TDRD6: variants seen among roughly 807,000 people sequenced by gnomAD.
The protein encoded by TDRD6 is tudor domain containing 6.
In TDRD6, 186 loss-of-function variants were observed where a neutral mutation model predicts 157.5. The observed-to-expected ratio is 1.18, with a 90% CI of 1.05 to 1.33. The LOEUF is 1.33. Among genes scored for constraint, TDRD6 ranks in the 40% most tolerant of loss-of-function variants. The probability of loss-of-function intolerance (pLI) is 0.00; values close to 1 mark genes in which losing one functional copy is unlikely to be tolerated. For missense variants in TDRD6, 3,066 were observed against 2,508.0 expected (o/e 1.22, Z -4.75); for synonymous variants, 1,075 against 945.2 (o/e 1.14, Z -2.52).
rs144651628 is a variant in TDRD6 at position 46,688,953 on chromosome 6, G to A, written c.825G>A (p.Glu275=). ...GCCAGCTCCGCAGCGTCTCGCAGGA[G>A]ATCCACCGCCTCTCCGAGAGCATGG... The part of the protein sequence containing the change: ...IHCQLRSVSQ[E]IHRLSESMAQ... The change falls in exon 1 of 4, where the codon GAG becomes GAA. Residue 275 remains glutamate, a synonymous_variant. Transcript: ENST00000316081. The A allele has an allele frequency of 4.5e-4, 725 of 1,612,568 alleles. 3 individuals are homozygous for A. The African/African-American group carries it at 8.7e-3, about 19-fold the overall frequency.
chr6:46,688,423 C>G lies in TDRD6; in HGVS notation c.295C>G (p.Leu99Val). 6.5e-7 allele frequency: 1 copy of G among 1,540,796 alleles called. No homozygotes were observed. Among genetic ancestry groups the G allele is most frequent in the Non-Finnish European group, 8.7e-7 (1 of 1,145,944 alleles). The part of the protein sequence containing the change: ...RQAQESRVFL[L>V]DEGRTITAGA... ...GGCACAGGAGAGCCGTGTCTTCCTG[C>G]TGGACGAGGGCCGCACCATCACGGC... is the stretch of plus-strand genomic sequence containing the variant. Residue 99 changes from leucine (L) to valine (V), a missense_variant, in exon 1 of 4, where the codon CTG (leucine) becomes GTG (valine). Transcript: ENST00000316081.
Position 46,693,984 on chromosome 6 carries a change from G to A in TDRD6, c.5856G>A (p.Gln1952=). 1 of 1,613,850 alleles carries A rather than the reference G, an allele frequency of 6.2e-7. No individual in the cohort carries two copies. Among genetic ancestry groups the A allele is most frequent in the Non-Finnish European group, 8.5e-7 (1 of 1,179,942 alleles). Residue 1952 remains glutamine, a synonymous_variant, in exon 1 of 4, where the codon CAG becomes CAA. Coordinates refer to ENST00000316081, the MANE Select transcript of TDRD6 (RefSeq NM_001010870.3). ...KSSCVESFDD[Q]RRMSLHLHGA... is the part of the protein sequence containing the mutation. ...GTTGTGTAGAATCTTTTGATGACCAGCGCAGGATGTCATTGCATCTACATG... is the reference window on the plus strand; with the variant it reads ...GTTGTGTAGAATCTTTTGATGACCAACGCAGGATGTCATTGCATCTACATG...
rs1196247353 is a variant in TDRD6 at position 46,689,805 on chromosome 6, A to G, written c.1677A>G (p.Lys559=). ...GTTATTATAGGGCCATAGTCACCAA[A>G]TTGGATGACAAGAGTGTGGATGTAT... is the stretch of plus-strand genomic sequence containing the variant. The part of the protein sequence containing the change: ...ENGYYRAIVT[K]LDDKSVDVFL... The change falls in exon 1 of 4, where the codon AAA becomes AAG. Residue 559 remains lysine, a synonymous_variant. Coordinates refer to ENST00000316081, the MANE Select transcript of TDRD6 (RefSeq NM_001010870.3). 3 of 1,614,060 alleles carry G rather than the reference A, an allele frequency of 1.9e-6. No individual in the cohort carries two copies. The Admixed American group carries it at 5.0e-5, about 27-fold the overall frequency.
upstream of TDRD6, among the ~76,000 whole-genome samples, chr6:46,684,449 A>G (rs150168991): frequency 1.7e-3 from 259 of 152,034 alleles, no homozygotes; most frequent in African/African-American, 6.0e-3. Context: ...CACTGCACAC[A>G]AGATACAGAA....
chr6:46,688,295 C>G lies in TDRD6; in HGVS notation c.167C>G (p.Thr56Arg). The change falls in exon 1 of 4, where the codon ACG (threonine) becomes AGG (arginine). Residue 56 changes from threonine to arginine, a missense_variant. Physicochemically the swap from Thr to Arg is moderately conservative, Grantham distance 71. Transcript: ENST00000316081. ...LSREIQEAAA[T>R]RGQWALGSAS... ...CGGGAAATCCAGGAAGCGGCGGCCA[C>G]GCGCGGCCAGTGGGCGCTGGGCAGC... is the stretch of plus-strand genomic sequence containing the variant. 6.7e-7 allele frequency: 1 copy of G among 1,500,838 alleles called. No individual in the cohort carries two copies. The highest frequency in any genetic ancestry group is 8.8e-7 in the Non-Finnish European group (1 of 1,132,724). 93.0% of individuals were successfully genotyped at this position (1,500,838 alleles called of 1,614,324 possible).
rs745994530 is a variant in TDRD6 at position 46,688,887 on chromosome 6, C to T, written c.759C>T (p.Ala253=). Residue 253 remains alanine (A), a synonymous_variant, in exon 1 of 4, where the codon GCC becomes GCT. Coordinates refer to ENST00000316081, the MANE Select transcript of TDRD6 (RefSeq NM_001010870.3). The part of the protein sequence containing the change: ...YPQLQLGVTE[A]VVITQVCHPH... Reference sequence around the variant, plus strand: ...AGCTGCAGCTGGGCGTGACGGAGGCCGTGGTCATAACCCAAGTGTGCCATC... The same window carrying T: ...AGCTGCAGCTGGGCGTGACGGAGGCTGTGGTCATAACCCAAGTGTGCCATC... The T allele has an allele frequency of 3.4e-5, 55 of 1,607,140 alleles. No individual in the cohort carries two copies. The highest frequency in any genetic ancestry group is 4.3e-5 in the Non-Finnish European group (50 of 1,175,802).
In TDRD6 at chr6:46,693,592, C is replaced by T; in HGVS notation, c.5464C>T (p.His1822Tyr). 6.2e-7 allele frequency: 1 copy of T among 1,614,200 alleles called. No homozygotes were observed. Among genetic ancestry groups the T allele is most frequent in the Non-Finnish European group, 8.5e-7 (1 of 1,180,040 alleles). The stretch of plus-strand genomic sequence containing the variant: ...TACAGGATTTAACACATTACTACCA[C>T]ATGCTAATGAAACAAAGGAGATACT... ...LITGFNTLLPHANETKEILEL... is the reference protein window; with the variant it reads ...LITGFNTLLPYANETKEILEL... Residue 1822 changes from histidine to tyrosine, a missense_variant, in exon 1 of 4, where the codon CAT (histidine) becomes TAT (tyrosine). Coordinates refer to ENST00000316081, the MANE Select transcript of TDRD6 (RefSeq NM_001010870.3).
rs1179086896 is a variant in TDRD6, at chr6:46,691,061, C to G, written c.2933C>G (p.Ser978Cys). Residue 978 changes from serine (S) to cysteine (C), a missense_variant, in exon 1 of 4, where the codon TCT becomes TGT. By Grantham distance (112) the Ser-to-Cys change is moderately radical. Transcript: ENST00000316081. Reference sequence around the variant, plus strand: ...GTTCAGCTACATTCCTACTTCTATTCTACACATGATATGAAAATTGGAAGT... The same window carrying G: ...GTTCAGCTACATTCCTACTTCTATTGTACACATGATATGAAAATTGGAAGT... ...SSVQLHSYFY[S>C]THDMKIGSEE... is the part of the protein sequence containing the mutation. 1.9e-6 allele frequency: 3 copies of G among 1,613,662 alleles called. No homozygotes were observed. Among genetic ancestry groups the G allele is most frequent in the African/African-American group, 2.7e-5 (2 of 74,900 alleles).
rs1422911103 is a variant in TDRD6, at chr6:46,688,611, T to G, written c.483T>G (p.Leu161=). ...ACGCCGTGGACTTCCTTAGCAACCT[T>G]CAGGGCAAGGAGGTGCACGGGTGCG... ...PADAVDFLSN[L]QGKEVHGCVL... The change falls in exon 1 of 4, where the codon CTT becomes CTG. Residue 161 remains leucine, a synonymous_variant. Coordinates refer to ENST00000316081, the MANE Select transcript of TDRD6 (RefSeq NM_001010870.3). 1.3e-6 allele frequency: 2 copies of G among 1,598,934 alleles called. No homozygotes were observed. The highest frequency in any genetic ancestry group is 1.1e-5 in the South Asian group (1 of 91,090).
Position 46,688,051 on chromosome 6 carries a change from C to G in TDRD6, c.-78C>G, listed in dbSNP as rs987999206. 7.2e-7 allele frequency: 1 copy of G among 1,395,154 alleles called. No individual in the cohort carries two copies. Among genetic ancestry groups the G allele is most frequent in the Non-Finnish European group, 9.2e-7 (1 of 1,083,076 alleles). The allele number at this position is 1,395,154 out of a possible 1,614,324, so 86.4% of individuals were successfully genotyped here. ...ACCTAGTTTGGCTGGGACTCGCCTTCAGGCGGCGCGGAGGATTTCGAGGCC... is the reference window on the plus strand; with the variant it reads ...ACCTAGTTTGGCTGGGACTCGCCTTGAGGCGGCGCGGAGGATTTCGAGGCC... On this transcript the variant is annotated 5_prime_UTR_variant, in exon 1 of 4. Coordinates refer to ENST00000316081, the MANE Select transcript of TDRD6 (RefSeq NM_001010870.3).
upstream of TDRD6, among the ~76,000 whole-genome samples, chr6:46,685,416 C>T (rs1764066715): frequency 6.6e-6 from 1 of 152,118 alleles, no homozygotes; most frequent in Non-Finnish European, 1.5e-5. Flanking sequence ...TAAGACAGCA[C>T]AAAATAAGTA....
In TDRD6 at chr6:46,690,131, A is replaced by G. The variant is rs1449285182; in HGVS notation, c.2003A>G (p.Tyr668Cys). ...ATTGCCCAAGCTGGATATGCCAAGT[A>G]TCAGGAATTTGAAACAAAGGAAAAT... is the stretch of plus-strand genomic sequence containing the variant. Reference protein sequence around the residue: ...KVIAQAGYAKYQEFETKENIL... With the variant: ...KVIAQAGYAKCQEFETKENIL... The change falls in exon 1 of 4, where the codon TAT becomes TGT. Residue 668 changes from tyrosine to cysteine, a missense_variant. Tyr to Cys is a radical substitution (Grantham distance 194). Coordinates refer to ENST00000316081, the MANE Select transcript of TDRD6 (RefSeq NM_001010870.3). The G allele has an allele frequency of 3.1e-6, 5 of 1,613,550 alleles. No homozygotes were observed. The South Asian group carries it at 3.3e-5, about 11-fold the overall frequency.
rs141885066 is a variant in TDRD6, at chr6:46,693,108, A to G, written c.4980A>G (p.Glu1660=). The G allele has an allele frequency of 1.2e-6, 2 of 1,613,550 alleles. No individual in the cohort carries two copies. Among genetic ancestry groups the G allele is most frequent in the African/African-American group, 2.7e-5 (2 of 74,906 alleles). The change falls in exon 1 of 4, where the codon GAA becomes GAG. Residue 1660 remains glutamate (E), a synonymous_variant. Transcript: ENST00000316081. ...ACTATTTCTATGAAATAATAACAGAAGATGTGTTGGAAATAACAATACTAG... is the reference window on the plus strand; with the variant it reads ...ACTATTTCTATGAAATAATAACAGAGGATGTGTTGGAAATAACAATACTAG... ...GNDYFYEIIT[E]DVLEITILEI... is the part of the protein sequence containing the mutation.
chr6:46,684,123 C>A (rs1764029364), upstream of TDRD6, among the ~76,000 whole-genome samples: 1 of 152,076 alleles, frequency 6.6e-6, no homozygotes, highest in Non-Finnish European at 1.5e-5. Flanking sequence ...ACTCTCATTG[C>A]CCCCTATAAT....
At position 46,689,857 on chromosome 6, in the gene TDRD6, A is replaced by C; in HGVS notation, c.1729A>C (p.Asn577His). The C allele has an allele frequency of 6.2e-7, 1 of 1,614,190 alleles. No individual in the cohort carries two copies. Among genetic ancestry groups the C allele is most frequent in the South Asian group, 1.1e-5 (1 of 91,074 alleles). The change falls in exon 1 of 4, where the codon AAT becomes CAT. Residue 577 changes from asparagine (N) to histidine (H), a missense_variant. Coordinates refer to ENST00000316081, the MANE Select transcript of TDRD6 (RefSeq NM_001010870.3). ...VFLVDRGNSENVDWYDVRMLL... is the reference protein window; with the variant it reads ...VFLVDRGNSEHVDWYDVRMLL... The stretch of plus-strand genomic sequence containing the variant: ...CTTAGTTGACCGAGGCAATTCGGAA[A>C]ATGTGGACTGGTATGACGTAAGGAT...
Position 46,691,260 on chromosome 6 carries a change from T to C in TDRD6, c.3132T>C (p.Tyr1044=), listed in dbSNP as rs1286460928. 1 of 1,614,114 alleles carries C rather than the reference T, an allele frequency of 6.2e-7. No individual in the cohort carries two copies. The highest frequency in any genetic ancestry group is 1.7e-5 in the Admixed American group (1 of 60,028). The change falls in exon 1 of 4, where the codon TAT becomes TAC. Residue 1044 remains tyrosine, a synonymous_variant. Transcript: ENST00000316081. ...CTGGAACCTTGTGCCTTGCCAAGTA[T>C]ACTGATGGAAACTGGTATAGGGGCA... is the stretch of plus-strand genomic sequence containing the variant. ...LNPGTLCLAK[Y]TDGNWYRGIV...
rs1464350754 is a variant in TDRD6 at position 46,688,031 on chromosome 6, G to C, written c.-98G>C. ...CCCTCCACTGGGTCCTTTGAACCTA[G>C]TTTGGCTGGGACTCGCCTTCAGGCG... On this transcript the variant is annotated 5_prime_UTR_variant, in exon 1 of 4. Coordinates refer to ENST00000316081, the MANE Select transcript of TDRD6 (RefSeq NM_001010870.3). 1.2e-5 allele frequency: 17 copies of C among 1,385,886 alleles called. No individual in the cohort carries two copies. Among genetic ancestry groups the C allele is most frequent in the Non-Finnish European group, 1.4e-5 (15 of 1,077,812 alleles). 85.8% of individuals were successfully genotyped at this position (1,385,886 alleles called of 1,614,324 possible).
At chr6:46,696,685 C>T in intron 2 of TDRD6, among the ~76,000 whole-genome samples, 2 of 130,964 alleles carry the variant, frequency 1.5e-5, no homozygotes, top group Non-Finnish European at 1.6e-5. Context: ...CATCTTGGCT[C>T]ACTGCAAGCT....
Position 46,688,400 on chromosome 6 carries a change from C to G in TDRD6, c.272C>G (p.Ala91Gly). 1 of 1,538,042 alleles carries G rather than the reference C, an allele frequency of 6.5e-7. No individual in the cohort carries two copies. The highest frequency in any genetic ancestry group is 8.7e-7 in the Non-Finnish European group (1 of 1,145,510). Reference protein sequence around the residue: ...WHRCRVVSRQAQESRVFLLDE... With the variant: ...WHRCRVVSRQGQESRVFLLDE... ...CGCTGCCGCGTGGTCAGCCGGCAGG[C>G]ACAGGAGAGCCGTGTCTTCCTGCTG... Residue 91 changes from alanine to glycine, a missense_variant, in exon 1 of 4, where the codon GCA becomes GGA. Transcript: ENST00000316081.
Sources: gnomAD v4.1 joint callset for allele counts (sites outside exome capture counted in the v4.1 genomes callset) on GRCh38, gnomAD v4.1.1 for gene constraint, MANE v1.5 for transcripts, NCBI Gene and HGNC (gene_info 2026-07-23, HGNC 2026-07-21) for gene names.